Variants in SYNE3 observed in about 807,000 individuals in gnomAD.
SYNE3 encodes the protein spectrin repeat containing nuclear envelope family member 3, also known as nesprin-3.
A neutral mutation model predicts 111.2 loss-of-function variants in SYNE3; 100 were observed. The ratio of observed to expected loss-of-function variants is 0.90; its 90% CI spans 0.77 to 1.06. The LOEUF (loss-of-function observed/expected upper bound fraction) is 1.06. SYNE3 is among the 50% of genes least tolerant of loss of function. The pLI is 0.00. For synonymous variants in SYNE3, 547 were observed against 533.9 expected (o/e 1.02, Z -0.34); for missense variants, 1,160 against 1,240.3 (o/e 0.94, Z 0.97).
In SYNE3 at chr14:95,449,349, G is replaced by A. The variant is rs940039308; in HGVS notation, c.1449+582C>T. ...CCAATGAGATGTGAGGGGAGTGTGC[G>A]GGTGTCAGGGGAAGATTTGAAAGGC... On this transcript the variant is annotated intron_variant, in intron 8 of 17. Transcript: ENST00000682763. The A allele has an allele frequency of 6.1e-6, 5 of 824,876 alleles. No individual in the cohort carries two copies. The South Asian group carries it at 2.2e-4, about 37-fold the overall frequency. 51.1% of individuals were successfully genotyped at this position (824,876 alleles called of 1,614,324 possible).
At chr14:95,428,843 C>T (rs1885579749) in intron 17 of SYNE3, among the ~76,000 whole-genome samples, 2 of 152,162 alleles carry the variant, frequency 1.3e-5, no homozygotes, top group South Asian at 4.1e-4. Flanking sequence ...CAGGCTGAAG[C>T]CACTGACGTA....
chr14:95,476,065 A>G (rs1888870493), intron 1 of SYNE3, among the ~76,000 whole-genome samples: 1 of 152,184 alleles, frequency 6.6e-6, no homozygotes, highest in African/African-American at 2.4e-5. Flanking sequence ...GCCTGGCAAA[A>G]CTGCTTTGTC....
chr14:95,439,586 G>C, intron 13 of SYNE3, 26 bp downstream of exon 13: 1 of 1,602,676 alleles, frequency 6.2e-7, no homozygotes, highest in Non-Finnish European at 8.5e-7. Flanking sequence ...CCCAGACAAC[G>C]CTCAGAGCCT....
At position 95,416,607 on chromosome 14, in the gene SYNE3, A is replaced by G. The variant is rs1242596556; in HGVS notation, c.*1219T>C. 5.3e-5 allele frequency: 8 copies of G among 152,274 alleles called. No homozygotes were observed. The highest frequency in any genetic ancestry group is 4.8e-5 in the African/African-American group (2 of 41,462). The allele number at this position is 152,274 out of a possible 1,614,324, so 9.4% of individuals were successfully genotyped here. On this transcript the variant is annotated 3_prime_UTR_variant, in exon 18 of 18. Transcript: ENST00000682763. ...GTGGTGCATGGAGCCCAGCTCGCCT[A>G]CACCTGGCTGGAGAGGGCCTGGTTT...
intron 1 of SYNE3, among the ~76,000 whole-genome samples, chr14:95,508,691 T>C (rs1890614543): frequency 1.3e-5 from 2 of 152,216 alleles, no homozygotes; most frequent in South Asian, 4.1e-4. Context: ...GAGAGAAACT[T>C]GGCATGAGCA....
chr14:95,449,380 T>C (rs1049939526), intron 8 of SYNE3: 3 of 969,540 alleles, frequency 3.1e-6, no homozygotes, highest in African/African-American at 3.5e-5. Flanking sequence ...AAGGCGGAAG[T>C]AGAGGTGGAG....
chr14:95,476,987 G>A (rs1888923611), intron 1 of SYNE3, among the ~76,000 whole-genome samples: 2 of 152,082 alleles, frequency 1.3e-5, no homozygotes. Context: ...ATTTGTGAAT[G>A]GTAATTTTTA....
At position 95,477,162 on chromosome 14, in the gene SYNE3, T is replaced by G. The variant is rs563003696; in HGVS notation, c.-14-1327A>C. Among the ~76,000 whole-genome samples the G allele has an allele frequency of 3.3e-3, 496 of 152,368 alleles. 3 individuals are homozygous for G. Among genetic ancestry groups the G allele is most frequent in the African/African-American group, 0.011 (461 of 41,588 alleles). On this transcript the variant is annotated intron_variant, in intron 1 of 17. Transcript: ENST00000682763. ...CTATAATTCCAGAACTTTGGGAGGCTTAGGCAGGAGGATCGCTTGAGCCCA... is the reference window on the plus strand; with the variant it reads ...CTATAATTCCAGAACTTTGGGAGGCGTAGGCAGGAGGATCGCTTGAGCCCA...
At chr14:95,462,032 C>T (rs796824728) in intron 4 of SYNE3, among the ~76,000 whole-genome samples, 11 of 152,310 alleles carry the variant, frequency 7.2e-5, no homozygotes, top group Admixed American at 2.6e-4. Context: ...TGGCCAAGGG[C>T]GATGGAGAAG....
At chr14:95,464,978 G>A (rs1040406448) in intron 4 of SYNE3, among the ~76,000 whole-genome samples, 1 of 152,226 alleles carries the variant, frequency 6.6e-6, no homozygotes, top group African/African-American at 2.4e-5. Context: ...GACATAATTT[G>A]TTAAAAAGAA....
intron 4 of SYNE3, among the ~76,000 whole-genome samples, chr14:95,465,680 G>A (rs1319227779): frequency 1.3e-5 from 2 of 152,124 alleles, no homozygotes; most frequent in African/African-American, 4.8e-5. Flanking sequence ...TAGGTGAATG[G>A]GGTGGTGTGT....
intron 6 of SYNE3, among the ~76,000 whole-genome samples, chr14:95,454,352 C>T (rs780433737): frequency 2.2e-4 from 33 of 152,264 alleles, no homozygotes; most frequent in Admixed American, 1.3e-4. Context: ...GGATGTATAA[C>T]CACAGGCAAG....
At chr14:95,445,289 T>C (rs78312417) in intron 9 of SYNE3, among the ~76,000 whole-genome samples, 1,569 of 152,290 alleles carry the variant, frequency 0.01, 15 homozygotes, top group African/African-American at 0.028. Flanking sequence ...ACCATTCTGC[T>C]TCAGTGTCCT....
chr14:95,436,995 C>A lies in SYNE3; in HGVS notation c.2377-14G>T, dbSNP rs1324306816. ...TAGAAGATTTGCCTGTAGGATCACACACGGCCAAAGCGTCAGAGGTGAAAG... is the reference window on the plus strand; with the variant it reads ...TAGAAGATTTGCCTGTAGGATCACAAACGGCCAAAGCGTCAGAGGTGAAAG... On this transcript the variant is annotated splice_polypyrimidine_tract_variant and intron_variant, in intron 14 of 17. Coordinates refer to ENST00000682763, the MANE Select transcript of SYNE3 (RefSeq NM_152592.6). 1.2e-6 allele frequency: 2 copies of A among 1,614,100 alleles called. No individual in the cohort carries two copies. The highest frequency in any genetic ancestry group is 3.3e-5 in the Admixed American group (2 of 60,026).
chr14:95,473,861 T>C (rs113111765), intron 2 of SYNE3, among the ~76,000 whole-genome samples: 11 of 140,970 alleles, frequency 7.8e-5, no homozygotes, highest in East Asian at 2.1e-4. Flanking sequence ...GAGCTAAGGC[T>C]GGTGTGAGCT....
chr14:95,473,411 G>C (rs969984893), intron 2 of SYNE3, among the ~76,000 whole-genome samples: 1 of 152,124 alleles, frequency 6.6e-6, no homozygotes, highest in Non-Finnish European at 1.5e-5. Flanking sequence ...CACAGGCAGG[G>C]CTGTGATGCT....
At position 95,486,607 on chromosome 14, in the gene SYNE3, G is replaced by A. The variant is rs189375754; in HGVS notation, c.-14-10772C>T. On this transcript the variant is annotated intron_variant, in intron 1 of 17. Coordinates refer to ENST00000682763, the MANE Select transcript of SYNE3 (RefSeq NM_152592.6). ...CAATGACCACACACACGTCACCACA[G>A]TCCTCCTCAGCCCTAAACCCCAGCG... 8.0e-4 allele frequency among the ~76,000 whole-genome samples: 122 copies of A among 152,228 alleles called. 1 individual carries two copies. The highest frequency in any genetic ancestry group is 1.4e-3 in the Admixed American group (22 of 15,288).
chr14:95,485,563 C>T lies in SYNE3; in HGVS notation c.-14-9728G>A, dbSNP rs938752376. Among the ~76,000 whole-genome samples the T allele has an allele frequency of 6.6e-6, 1 of 152,118 alleles. No individual in the cohort carries two copies. Among genetic ancestry groups the T allele is most frequent in the African/African-American group, 2.4e-5 (1 of 41,408 alleles). ...CCCACCTTCTGATGGCCACCCCTGC[C>T]CCACAGCCCCTAGACCTCCCAGGAA... On this transcript the variant is annotated intron_variant, in intron 1 of 17. Transcript: ENST00000682763. The surrounding 1 kb of genome is among the most constrained non-coding windows in gnomAD (Gnocchi z 4.3).
chr14:95,422,286 TC>T (rs1885171308), intron 17 of SYNE3, among the ~76,000 whole-genome samples: 1 of 151,752 alleles, frequency 6.6e-6, no homozygotes, highest in South Asian at 2.1e-4. Flanking sequence ...GGACCAAAGG[TC>T]CTGAGCTCCA....
Sources: gnomAD v4.1 joint callset for allele counts (sites outside exome capture counted in the v4.1 genomes callset) on GRCh38, gnomAD v4.1.1 for gene constraint, Gnocchi (gnomAD v3.1) non-coding constraint, MANE v1.5 for transcripts, NCBI Gene and HGNC (gene_info 2026-07-23, HGNC 2026-07-21) for gene names.